Variants in CDH18 observed in about 807,000 individuals in gnomAD.
CDH18 encodes cadherin 18, also known as cadherin-18.
CDH18 carries 31 observed loss-of-function variants against 67.9 expected under a neutral mutation model. The ratio of observed to expected loss-of-function variants is 0.46; its 90% confidence interval spans 0.34 to 0.62. The LOEUF (loss-of-function observed/expected upper bound fraction) is 0.62. CDH18 is among the 20% of genes least tolerant of loss of function. The probability of loss-of-function intolerance (pLI) is 0.01; values close to 1 mark genes in which losing one functional copy is unlikely to be tolerated. For synonymous variants in CDH18, 362 were observed against 347.2 expected (o/e 1.04, Z -0.48); for missense variants, 890 against 975.5 (o/e 0.91, Z 1.17).
intron 2 of CDH18, among the ~76,000 whole-genome samples, chr5:20,066,745 A>G (rs1014316979): frequency 2.0e-5 from 3 of 152,038 alleles, no homozygotes; most frequent in African/African-American, 7.2e-5. Context: ...AAAAAGGATA[A>G]TATTGAAGAT....
intron 1 of CDH18, among the ~76,000 whole-genome samples, chr5:20,389,464 T>A (rs570381230): frequency 1.3e-5 from 2 of 151,986 alleles, no homozygotes; most frequent in Non-Finnish European, 2.9e-5. Flanking sequence ...GTGAGATGGG[T>A]TTCCTGAATA....
chr5:19,814,407 G>A (rs1397822761), intron 3 of CDH18, among the ~76,000 whole-genome samples: 1 of 151,818 alleles, frequency 6.6e-6, no homozygotes, highest in Non-Finnish European at 1.5e-5. Context: ...ACATACAAAT[G>A]CAATATACAC....
At chr5:19,493,143 T>A (rs1393378167) in intron 11 of CDH18, among the ~76,000 whole-genome samples, 1 of 152,170 alleles carries the variant, frequency 6.6e-6, no homozygotes, top group Non-Finnish European at 1.5e-5. Flanking sequence ...TCAAACCATG[T>A]TCTACCACTT....
chr5:19,756,425 C>A (rs769035401), intron 3 of CDH18, among the ~76,000 whole-genome samples: 1 of 152,304 alleles, frequency 6.6e-6, no homozygotes, highest in Non-Finnish European at 1.5e-5. Context: ...CAGCAAGGAC[C>A]TCAGCAGGTC....
chr5:20,573,822 TA>T, intron 1 of CDH18, among the ~76,000 whole-genome samples: 1 of 12,158 alleles, frequency 8.2e-5, no homozygotes, highest in Non-Finnish European at 1.8e-4. Context: ...TATATATATA[TA>T]TATATATATA....
intron 11 of CDH18, among the ~76,000 whole-genome samples, chr5:19,486,399 ATG>A (rs1158049389): frequency 6.6e-6 from 1 of 152,042 alleles, no homozygotes; most frequent in East Asian, 1.9e-4. Context: ...GTACATATAT[ATG>A]TGTATATATC....
chr5:19,481,652 G>A (rs899193443), intron 12 of CDH18, among the ~76,000 whole-genome samples: 2 of 152,076 alleles, frequency 1.3e-5, no homozygotes, highest in African/African-American at 4.8e-5. Context: ...ACAAGTCTCT[G>A]GATGCTCTCA....
chr5:20,128,258 T>C (rs1426890406), intron 2 of CDH18, among the ~76,000 whole-genome samples: 1 of 151,898 alleles, frequency 6.6e-6, no homozygotes, highest in Non-Finnish European at 1.5e-5. Context: ...AAATAGAAAA[T>C]AAAAGATCAC....
At chr5:20,202,477 T>C (rs1016984768) in intron 2 of CDH18, among the ~76,000 whole-genome samples, 1 of 152,086 alleles carries the variant, frequency 6.6e-6, no homozygotes, top group Admixed American at 6.5e-5. Flanking sequence ...TCTTGTCACT[T>C]AGATCATTTT....
intron 2 of CDH18, among the ~76,000 whole-genome samples, chr5:20,240,592 A>G (rs900715347): frequency 2.0e-5 from 3 of 152,226 alleles, no homozygotes; most frequent in Non-Finnish European, 2.9e-5. Context: ...TTGAATGTAT[A>G]GTTCAGACAT....
At chr5:19,587,121 T>C (rs748618519) in intron 7 of CDH18, among the ~76,000 whole-genome samples, 5 of 152,176 alleles carry the variant, frequency 3.3e-5, no homozygotes, top group Non-Finnish European at 7.3e-5. Context: ...CTTTGTCAGA[T>C]GCATAGATTA....
intron 1 of CDH18, among the ~76,000 whole-genome samples, chr5:20,440,015 C>A (rs68143975): frequency 0.41 from 61,522 of 151,444 alleles, 14,426 homozygotes; most frequent in Non-Finnish European, 0.52. Context: ...TCTTTATTTC[C>A]TTTTCCTTAA....
chr5:20,314,922 T>G (rs1203534739), intron 1 of CDH18, among the ~76,000 whole-genome samples: 1 of 152,086 alleles, frequency 6.6e-6, no homozygotes. Flanking sequence ...ATAATGTTTA[T>G]TCCCTTCACA....
rs183263372 is a variant in CDH18 at position 20,545,117 on chromosome 5, T to C, written c.-580+30345A>G. Among the ~76,000 whole-genome samples the C allele has an allele frequency of 3.3e-5, 5 of 152,296 alleles. No individual in the cohort carries two copies. In the East Asian group the frequency reaches 9.7e-4, roughly 30 times the overall value. On this transcript the variant is annotated intron_variant, in intron 1 of 14. Transcript: ENST00000507958. ...CAAAATATTACCCTTTGATTCCATG[T>C]CTCACATCCAGGAAATGCTGGTGCA...
At chr5:20,111,834 C>T (rs1192654170) in intron 2 of CDH18, among the ~76,000 whole-genome samples, 8 of 151,996 alleles carry the variant, frequency 5.3e-5, no homozygotes, top group South Asian at 2.1e-4. Context: ...TGAGCCACCA[C>T]GCCCAGCTGA....
At chr5:19,542,287 G>A (rs1165920748) in intron 9 of CDH18, among the ~76,000 whole-genome samples, 1 of 152,154 alleles carries the variant, frequency 6.6e-6, no homozygotes, top group Non-Finnish European at 1.5e-5. Context: ...ACAAATGTTG[G>A]TGGAAATATG....
At chr5:20,340,354 G>A (rs1268731962) in intron 1 of CDH18, among the ~76,000 whole-genome samples, 1 of 152,168 alleles carries the variant, frequency 6.6e-6, no homozygotes, top group Non-Finnish European at 1.5e-5. Context: ...GCACGAGGAG[G>A]AGGCTCAGGA....
intron 2 of CDH18, among the ~76,000 whole-genome samples, chr5:20,246,660 T>C (rs1005184317): frequency 6.6e-6 from 1 of 152,312 alleles, no homozygotes; most frequent in Non-Finnish European, 1.5e-5. Context: ...CCATGATGCA[T>C]TTATGGGTGA....
At position 19,842,577 on chromosome 5, in the gene CDH18, G is replaced by T. The variant is rs574094801; in HGVS notation, c.-256-3335C>A. Among the ~76,000 whole-genome samples the T allele has an allele frequency of 2.0e-5, 3 of 152,212 alleles. No homozygotes were observed. The East Asian group carries it at 5.8e-4, about 29-fold the overall frequency. ...CCTCTTTGCTTTATAAATTTCCCAG[G>T]CTTGGGTATTTCTTTATAGCAGCAT... On this transcript the variant is annotated intron_variant, in intron 2 of 12. Coordinates refer to ENST00000382275, the MANE Select transcript of CDH18 (RefSeq NM_004934.5).
Sources: gnomAD v4.1 joint callset for allele counts (sites outside exome capture counted in the v4.1 genomes callset) on GRCh38, gnomAD v4.1.1 for gene constraint, MANE v1.5 for transcripts, NCBI Gene and HGNC (gene_info 2026-07-23, HGNC 2026-07-21) for gene names.